The following TBC1D4 variants were observed in gnomAD, a reference collection of about 807,000 sequenced individuals.
TBC1D4 encodes the protein TBC (Tre-2, BUB2, CDC16) domain-containing protein.
A neutral mutation model predicts 142.5 loss-of-function variants in TBC1D4; 121 were observed. The observed-to-expected ratio is 0.85, with a 90% CI of 0.73 to 0.99. TBC1D4 has a LOEUF of 0.99. Among genes scored for constraint, TBC1D4 ranks in the 50% least tolerant of loss-of-function variants. TBC1D4 has a pLI of 0.00. For missense variants in TBC1D4, 1,475 were observed against 1,606.6 expected (o/e 0.92, Z 1.40); for synonymous variants, 630 against 628.2 (o/e 1.00, Z -0.04).
At chr13:75,320,867 C>CAAAAAAAAAAAAAAAAA (rs148657060) in intron 11 of TBC1D4, among the ~76,000 whole-genome samples, 1 of 84,378 alleles carries the variant, frequency 1.2e-5, no homozygotes, top group Non-Finnish European at 2.3e-5. Context: ...ACTAAAAATA[C>CAAAAAAAAAAAAAAAAA]AAAAAAAAAA....
rs556562999 is a variant in TBC1D4 at position 75,438,848 on chromosome 13, T to C, written c.498+42422A>G. ...GCATATGATATGAGATAAAAGTATG[T>C]CTTGTTTAAGGTAATTTAAGTGGAA... On this transcript the variant is annotated intron_variant, in intron 1 of 20. Transcript: ENST00000377636. Among the ~76,000 whole-genome samples the C allele has an allele frequency of 2.0e-5, 3 of 152,356 alleles. No homozygotes were observed. In the East Asian group the frequency reaches 5.8e-4, roughly 29 times the overall value.
rs142505624 is a variant in TBC1D4, at chr13:75,427,637, A to T, written c.498+53633T>A. Reference sequence around the variant, plus strand: ...GAAGCTTGAAGCTGGCTCCTTCTGTATTTAGACCTCCCTCGGCACTTGCCC... The same window carrying T: ...GAAGCTTGAAGCTGGCTCCTTCTGTTTTTAGACCTCCCTCGGCACTTGCCC... On this transcript the variant is annotated intron_variant, in intron 1 of 20. Coordinates refer to ENST00000377636, the MANE Select transcript of TBC1D4 (RefSeq NM_014832.5). Among the ~76,000 whole-genome samples the T allele has an allele frequency of 1.5e-4, 23 of 152,298 alleles. 1 individual carries two copies. In the East Asian group the frequency reaches 4.5e-3, roughly 29 times the overall value.
intron 1 of TBC1D4, among the ~76,000 whole-genome samples, chr13:75,399,494 T>C (rs977012257): frequency 6.6e-6 from 1 of 152,062 alleles, no homozygotes; most frequent in Admixed American, 6.6e-5. Context: ...TTTTATTTAG[T>C]TCACACACCT....
chr13:75,329,988 C>G (rs948252713), intron 8 of TBC1D4, among the ~76,000 whole-genome samples: 16 of 152,230 alleles, frequency 1.1e-4, no homozygotes, highest in Admixed American at 6.5e-5. Flanking sequence ...CACAGTCACT[C>G]TGTTGTGCAC....
chr13:75,366,282 A>C (rs1882902838), intron 1 of TBC1D4, among the ~76,000 whole-genome samples: 2 of 152,178 alleles, frequency 1.3e-5, no homozygotes, highest in African/African-American at 4.8e-5. Context: ...TATTTTGCTC[A>C]AGACCTCTGG....
Position 75,481,602 on chromosome 13 carries a change from G to A in TBC1D4, c.166C>T (p.Pro56Ser), listed in dbSNP as rs540440501. The change falls in exon 1 of 21, where the codon CCC (proline) becomes TCC (serine). Residue 56 changes from proline (P) to serine (S), a missense_variant. Pro to Ser is a moderately conservative substitution (Grantham distance 74). Coordinates refer to ENST00000377636, the MANE Select transcript of TBC1D4 (RefSeq NM_014832.5). The stretch of plus-strand genomic sequence containing the variant: ...CTGCGGATCTCGGCCATGAGCCAGG[G>A]CAGCATAGGCAGCGTGGTCCTGTGG... The part of the protein sequence containing the change: ...LDHRTTLPML[P>S]WLMAEIRRRS... 119 of 1,608,138 alleles carry A rather than the reference G, an allele frequency of 7.4e-5. No homozygotes were observed. In the Admixed American group the frequency reaches 1.9e-3, roughly 26 times the overall value.
intron 1 of TBC1D4, among the ~76,000 whole-genome samples, chr13:75,433,996 A>G (rs1443610173): frequency 6.6e-6 from 1 of 152,224 alleles, no homozygotes; most frequent in Non-Finnish European, 1.5e-5. Context: ...GCTATTACTA[A>G]AAGTCAAAAA....
intron 1 of TBC1D4, among the ~76,000 whole-genome samples, chr13:75,400,800 C>T (rs1885053436): frequency 6.6e-6 from 1 of 152,074 alleles, no homozygotes; most frequent in South Asian, 2.1e-4. Context: ...AGCTCTCCAG[C>T]ACACACACAT....
intron 1 of TBC1D4, among the ~76,000 whole-genome samples, chr13:75,390,172 A>G (rs926206142): frequency 6.0e-5 from 9 of 149,938 alleles, no homozygotes; most frequent in African/African-American, 2.2e-4. Flanking sequence ...CCCAGCTACT[A>G]GGGAGGCTAA....
intron 1 of TBC1D4, among the ~76,000 whole-genome samples, chr13:75,377,639 C>T (rs1883590907): frequency 6.7e-6 from 1 of 149,548 alleles, no homozygotes; most frequent in African/African-American, 2.4e-5. Flanking sequence ...TAAAGACCAA[C>T]CCAAAAATAT....
chr13:75,292,392 C>T, intron 18 of TBC1D4, 121 bp from the exon 19 acceptor site: 1 of 768,588 alleles, frequency 1.3e-6, no homozygotes, highest in Non-Finnish European at 2.1e-6. Context: ...GAAAACTGGT[C>T]AAAAGCATCT....
chr13:75,432,855 T>C, intron 1 of TBC1D4, among the ~76,000 whole-genome samples: 1 of 150,924 alleles, frequency 6.6e-6, no homozygotes. Context: ...GTCTGGAGAA[T>C]GTCGTGAACC....
At chr13:75,428,746 C>T (rs905431160) in intron 1 of TBC1D4, among the ~76,000 whole-genome samples, 2 of 152,204 alleles carry the variant, frequency 1.3e-5, no homozygotes, top group Non-Finnish European at 2.9e-5. Flanking sequence ...TTGCAAAAGT[C>T]TTTGCCTTCT....
At position 75,362,621 on chromosome 13, in the gene TBC1D4, T is replaced by A. The variant is rs768602094; in HGVS notation, c.499-14A>T. Reference sequence around the variant, plus strand: ...AACATCAGGAACCTGGGGGAAAAAATTAAAACCCTGATTCTAGTTGAAAGT... The same window carrying A: ...AACATCAGGAACCTGGGGGAAAAAAATAAAACCCTGATTCTAGTTGAAAGT... On this transcript the variant is annotated splice_polypyrimidine_tract_variant and intron_variant, in intron 1 of 20. Transcript: ENST00000377636. This position sits in a 1 kb window ranked among gnomAD's most constrained non-coding sequence, Gnocchi z 4.2. 2.5e-6 allele frequency: 4 copies of A among 1,613,288 alleles called. No homozygotes were observed. The highest frequency in any genetic ancestry group is 3.3e-5 in the Admixed American group (2 of 59,968).
chr13:75,361,683 A>G (rs1055116316), intron 2 of TBC1D4, among the ~76,000 whole-genome samples: 7 of 152,150 alleles, frequency 4.6e-5, no homozygotes, highest in African/African-American at 1.7e-4. Flanking sequence ...CCGGGCCTAC[A>G]ATTTTTTTTT....
rs1402194138 is a variant in TBC1D4 at position 75,283,572 on chromosome 13, C to T, written c.*3220G>A. On this transcript the variant is annotated 3_prime_UTR_variant, in exon 21 of 21. Coordinates refer to ENST00000377636, the MANE Select transcript of TBC1D4 (RefSeq NM_014832.5). ...GATGCATATTTTATATAAAAACATT[C>T]ATATCACATCCATCAGTAAATGTCC... Among the ~76,000 whole-genome samples the T allele has an allele frequency of 6.6e-6, 1 of 152,170 alleles. No homozygotes were observed. The highest frequency in any genetic ancestry group is 2.4e-5 in the African/African-American group (1 of 41,428).
chr13:75,318,557 A>G (rs918672797), intron 12 of TBC1D4, among the ~76,000 whole-genome samples: 2 of 152,192 alleles, frequency 1.3e-5, no homozygotes, highest in African/African-American at 4.8e-5. Context: ...AAATGAAACC[A>G]TATTTTTTCT....
intron 8 of TBC1D4, among the ~76,000 whole-genome samples, chr13:75,329,954 C>T (rs767093041): frequency 9.2e-5 from 14 of 152,192 alleles, no homozygotes; most frequent in Non-Finnish European, 1.3e-4. Context: ...AATTTCACAA[C>T]GACGTGCCTT....
At chr13:75,463,137 T>C (rs1888037695) in intron 1 of TBC1D4, among the ~76,000 whole-genome samples, 1 of 151,756 alleles carries the variant, frequency 6.6e-6, no homozygotes, top group Admixed American at 6.6e-5. Context: ...ACTCACAGTA[T>C]TGCCAATATT....
Sources: gnomAD v4.1 joint callset for allele counts (sites outside exome capture counted in the v4.1 genomes callset) on GRCh38, gnomAD v4.1.1 for gene constraint, Gnocchi (gnomAD v3.1) non-coding constraint, MANE v1.5 for transcripts, NCBI Gene and HGNC (gene_info 2026-07-23, HGNC 2026-07-21) for gene names.